Variants in RNF113B observed in about 807,000 individuals in gnomAD.
The protein encoded by RNF113B is zinc finger protein 183-like 1.
Under a neutral mutation model 22.2 loss-of-function variants are expected in RNF113B, and 12 were observed. The ratio of observed to expected loss-of-function variants is 0.54; its 90% CI spans 0.35 to 0.87. The LOEUF is 0.87. Among genes scored for constraint, RNF113B ranks in the 40% least tolerant of loss-of-function variants. The pLI, the probability that RNF113B is intolerant of heterozygous loss-of-function variation, is 0.01. For synonymous variants in RNF113B, 194 were observed against 184.6 expected, an observed-to-expected ratio of 1.05 and a Z score of -0.41; for missense variants, 442 against 455.4, an observed-to-expected ratio of 0.97 and a Z score of 0.27.
chr13:98,176,534 A>G lies in RNF113B; in HGVS notation c.703T>C (p.Tyr235His), dbSNP rs777005575. The G allele has an allele frequency of 2.5e-6, 4 of 1,614,150 alleles. No individual in the cohort carries two copies. Among genetic ancestry groups the G allele is most frequent in the South Asian group, 2.2e-5 (2 of 91,076 alleles). Reference sequence around the variant, plus strand: ...TGGTTTTCGTCCTCGCAGATACAGTAGCGACCCTCTTCAAGCTCCCGTTCA... The same window carrying G: ...TGGTTTTCGTCCTCGCAGATACAGTGGCGACCCTCTTCAAGCTCCCGTTCA... Reference protein sequence around the residue: ...EIERELEEGRYCICEDENHEV... With the variant: ...EIERELEEGRHCICEDENHEV... The change falls in exon 1 of 2, where the codon TAC becomes CAC. Residue 235 changes from tyrosine (Y) to histidine (H), a missense_variant. By Grantham distance (83) the Tyr-to-His change is moderately conservative. Transcript: ENST00000267291. This position sits in a 1 kb window ranked among gnomAD's most constrained non-coding sequence, Gnocchi z 6.2.
At position 98,176,621 on chromosome 13, in the gene RNF113B, C is replaced by A. The variant is rs1878060965; in HGVS notation, c.616G>T (p.Gly206Cys). 6.2e-7 allele frequency: 1 copy of A among 1,614,244 alleles called. No homozygotes were observed. Among genetic ancestry groups the A allele is most frequent in the African/African-American group, 1.3e-5 (1 of 75,068 alleles). Residue 206 changes from glycine (G) to cysteine (C), a missense_variant, in exon 1 of 2, where the codon GGC becomes TGC. Coordinates refer to ENST00000267291, the MANE Select transcript of RNF113B (RefSeq NM_178861.5). This position sits in a 1 kb window ranked among gnomAD's most constrained non-coding sequence, Gnocchi z 6.2. ...AGGAATTTGCAGCTGTCCCCGAAGC[C>A]ACAGAAGCCAGTCTCCTTGTAGTCC... ...CKDYKETGFC[G>C]FGDSCKFLHD...
Position 98,177,033 on chromosome 13 carries a change from G to GC in RNF113B, c.203dup (p.Leu69ProfsTer20), listed in dbSNP as rs1878117351. On this transcript the variant is annotated frameshift_variant, in exon 1 of 2. Coordinates refer to ENST00000267291, the MANE Select transcript of RNF113B (RefSeq NM_178861.5). LOFTEE classifies it high-confidence loss of function. ...GAGCCGCCTTCTGCCAGCTGTGGAGGCCCCGGGGCCTCGGTGCCACCCGCG... is the reference window on the plus strand; with the variant it reads ...GAGCCGCCTTCTGCCAGCTGTGGAGGCCCCCGGGGCCTCGGTGCCACCCGCG... 1 of 1,594,448 alleles carries GC rather than the reference G, an allele frequency of 6.3e-7. No homozygotes were observed. The highest frequency in any genetic ancestry group is 8.5e-7 in the Non-Finnish European group (1 of 1,177,248).
Position 98,176,904 on chromosome 13 carries a change from G to A in RNF113B, c.333C>T (p.Thr111=), listed in dbSNP as rs751001347. 10 of 1,605,530 alleles carry A rather than the reference G, an allele frequency of 6.2e-6. No homozygotes were observed. In the Admixed American group the frequency reaches 1.2e-4, roughly 19 times the overall value. ...TCTCGGTGTCCTGCTCGAAGTCAGCGGTGGCCCCCATGTCCTCTGGCCCCA... is the reference window on the plus strand; with the variant it reads ...TCTCGGTGTCCTGCTCGAAGTCAGCAGTGGCCCCCATGTCCTCTGGCCCCA... The part of the protein sequence containing the change: ...KPVGPEDMGA[T]ADFEQDTEKE... The change falls in exon 1 of 2, where the codon ACC becomes ACT. Residue 111 remains threonine (T), a synonymous_variant. Transcript: ENST00000267291. This position sits in a 1 kb window ranked among gnomAD's most constrained non-coding sequence, Gnocchi z 6.2.
rs1395688874 is a variant in RNF113B at position 98,176,742 on chromosome 13, G to A, written c.495C>T (p.Gly165=). The A allele has an allele frequency of 6.2e-7, 1 of 1,614,048 alleles. No individual in the cohort carries two copies. The highest frequency in any genetic ancestry group is 8.5e-7 in the Non-Finnish European group (1 of 1,179,986). ...RYLKPKDTSM[G]NSSSGMARKG... ...TCCTCGCCATCCCCGAGGAGGAGTT[G>A]CCCATGGACGTGTCCTTGGGCTTCA... The change falls in exon 1 of 2, where the codon GGC becomes GGT. Residue 165 remains glycine, a synonymous_variant. Coordinates refer to ENST00000267291, the MANE Select transcript of RNF113B (RefSeq NM_178861.5). This position sits in a 1 kb window ranked among gnomAD's most constrained non-coding sequence, Gnocchi z 6.2.
At position 98,176,882 on chromosome 13, in the gene RNF113B, C is replaced by T. The variant is rs199939990; in HGVS notation, c.355G>A (p.Glu119Lys). ...GATADFEQDT[E>K]KEHHTPTILK... ...ATGGTCGGCGTATGGTGCTCCTTCT[C>T]GGTGTCCTGCTCGAAGTCAGCGGTG... is the stretch of plus-strand genomic sequence containing the variant. Residue 119 changes from glutamate (E) to lysine (K), a missense_variant, in exon 1 of 2, where the codon GAG (glutamate) becomes AAG (lysine). Glu to Lys is a moderately conservative substitution (Grantham distance 56). Coordinates refer to ENST00000267291, the MANE Select transcript of RNF113B (RefSeq NM_178861.5). This position sits in a 1 kb window ranked among gnomAD's most constrained non-coding sequence, Gnocchi z 6.2. 2.7e-5 allele frequency: 44 copies of T among 1,607,126 alleles called. No individual in the cohort carries two copies. Among genetic ancestry groups the T allele is most frequent in the Non-Finnish European group, 3.6e-5 (42 of 1,179,966 alleles).
In RNF113B at chr13:98,176,658, A is replaced by G. The variant is rs558944393; in HGVS notation, c.579T>C (p.Pro193=). 6 of 1,614,192 alleles carry G rather than the reference A, an allele frequency of 3.7e-6. No individual in the cohort carries two copies. In the Admixed American group the frequency reaches 8.3e-5, roughly 22 times the overall value. The change falls in exon 1 of 2, where the codon CCT becomes CCC. Residue 193 remains proline, a synonymous_variant. Coordinates refer to ENST00000267291, the MANE Select transcript of RNF113B (RefSeq NM_178861.5). This position sits in a 1 kb window ranked among gnomAD's most constrained non-coding sequence, Gnocchi z 6.2. ...TCTCCTTGTAGTCCTTGCAGATGTC[A>G]GGCTGGTAATCCCAGCGCACAGTGG... ...LRATVRWDYQ[P]DICKDYKETG... is the part of the protein sequence containing the mutation.
Position 98,176,795 on chromosome 13 carries a change from G to A in RNF113B, c.442C>T (p.Arg148Trp). 4 of 1,613,630 alleles carry A rather than the reference G, an allele frequency of 2.5e-6. No homozygotes were observed. Among genetic ancestry groups the A allele is most frequent in the African/African-American group, 1.3e-5 (1 of 74,992 alleles). ...TACCTCAGGTAGCTGTGGATTCCCCGGTAGATGTGGTCGTGCTCCCGACCC... is the reference window on the plus strand; with the variant it reads ...TACCTCAGGTAGCTGTGGATTCCCCAGTAGATGTGGTCGTGCTCCCGACCC... ...LRGREHDHIY[R>W]GIHSYLRYLK... The change falls in exon 1 of 2, where the codon CGG becomes TGG. Residue 148 changes from arginine (R) to tryptophan (W), a missense_variant. Transcript: ENST00000267291. This position sits in a 1 kb window ranked among gnomAD's most constrained non-coding sequence, Gnocchi z 6.2.
In RNF113B at chr13:98,176,215, T is replaced by C. The variant is rs1426790207; in HGVS notation, c.956-39A>G. 1.2e-6 allele frequency: 2 copies of C among 1,609,202 alleles called. No individual in the cohort carries two copies. The highest frequency in any genetic ancestry group is 1.7e-5 in the Admixed American group (1 of 59,930). On this transcript the variant is annotated intron_variant, in intron 1 of 1. Coordinates refer to ENST00000267291, the MANE Select transcript of RNF113B (RefSeq NM_178861.5). This position sits in a 1 kb window ranked among gnomAD's most constrained non-coding sequence, Gnocchi z 6.2. Reference sequence around the variant, plus strand: ...AAAATTTATTTAAATGTGAGAATTATGGGAAACCTAAGCCATGGGAATTGG... The same window carrying C: ...AAAATTTATTTAAATGTGAGAATTACGGGAAACCTAAGCCATGGGAATTGG...
At position 98,176,545 on chromosome 13, in the gene RNF113B, T is replaced by C; in HGVS notation, c.692A>G (p.Glu231Gly). ...KLGWEIEREL[E>G]EGRYCICEDE... ...CTCGCAGATACAGTAGCGACCCTCT[T>C]CAAGCTCCCGTTCAATCTCCCACCC... Residue 231 changes from glutamate to glycine, a missense_variant, in exon 1 of 2, where the codon GAA (glutamate) becomes GGA (glycine). By Grantham distance (98) the Glu-to-Gly change is moderately conservative. Transcript: ENST00000267291. This position sits in a 1 kb window ranked among gnomAD's most constrained non-coding sequence, Gnocchi z 6.2. 1.2e-6 allele frequency: 2 copies of C among 1,614,196 alleles called. No homozygotes were observed. The highest frequency in any genetic ancestry group is 1.7e-6 in the Non-Finnish European group (2 of 1,180,036).
chr13:98,176,159 T>G lies in RNF113B; in HGVS notation c.*4A>C, dbSNP rs771683618. On this transcript the variant is annotated 3_prime_UTR_variant, in exon 2 of 2. Coordinates refer to ENST00000267291, the MANE Select transcript of RNF113B (RefSeq NM_178861.5). The surrounding 1 kb of genome is among the most constrained non-coding windows in gnomAD (Gnocchi z 6.2). ...CCCAGTGTACATACAGACTTGAGTCTTTCTTATCTCTTTTTTCCTAAAAGA... is the reference window on the plus strand; with the variant it reads ...CCCAGTGTACATACAGACTTGAGTCGTTCTTATCTCTTTTTTCCTAAAAGA... 8.1e-6 allele frequency: 13 copies of G among 1,608,720 alleles called. 1 individual carries two copies. The South Asian group carries it at 1.4e-4, about 18-fold the overall frequency.
chr13:98,175,949 C>T lies in RNF113B; in HGVS notation c.*214G>A, dbSNP rs961821010. The stretch of plus-strand genomic sequence containing the variant: ...GTGTGTGTATCGCATTTTGTTTGTC[C>T]ATTCATCCATCCATGGACACTTGGG... On this transcript the variant is annotated 3_prime_UTR_variant, in exon 2 of 2. Coordinates refer to ENST00000267291, the MANE Select transcript of RNF113B (RefSeq NM_178861.5). 1.6e-5 allele frequency: 9 copies of T among 567,624 alleles called. No individual in the cohort carries two copies. The highest frequency in any genetic ancestry group is 1.4e-4 in the Admixed American group (4 of 29,198). 35.2% of individuals were successfully genotyped at this position (567,624 alleles called of 1,614,324 possible). A position where few individuals can be genotyped will look rare whatever the true frequency, so the allele number is the denominator to read the frequency against.
In RNF113B at chr13:98,176,127, G is replaced by GCTT. The variant is rs1877999396; in HGVS notation, c.*33_*35dup. 1 of 1,576,676 alleles carries GCTT rather than the reference G, an allele frequency of 6.3e-7. No homozygotes were observed. Among genetic ancestry groups the GCTT allele is most frequent in the South Asian group, 1.1e-5 (1 of 88,796 alleles). On this transcript the variant is annotated 3_prime_UTR_variant, in exon 2 of 2. Coordinates refer to ENST00000267291, the MANE Select transcript of RNF113B (RefSeq NM_178861.5). The surrounding 1 kb of genome is among the most constrained non-coding windows in gnomAD (Gnocchi z 6.2). Reference sequence around the variant, plus strand: ...TCTCTCTCATCTTACTCAACAGGCTGCTTCTCCCCAGTGTACATACAGACT... The same window carrying GCTT: ...TCTCTCTCATCTTACTCAACAGGCTGCTTCTTCTCCCCAGTGTACATACAGACT...
rs757002188 is a variant in RNF113B at position 98,176,507 on chromosome 13, C to A, written c.730G>T (p.Glu244Ter). Reference protein sequence around the residue: ...RYCICEDENHEVGSEEEEIPF... With the variant: ...RYCICEDENH ...ATTTCCTCTTCCTCGCTTCCCACTT[C>A]ATGGTTTTCGTCCTCGCAGATACAG... Residue 244 changes from glutamate to a stop codon, truncating the protein, a stop_gained, in exon 1 of 2, where the codon GAA becomes TAA. Transcript: ENST00000267291. LOFTEE classifies it high-confidence loss of function. The surrounding 1 kb of genome is among the most constrained non-coding windows in gnomAD (Gnocchi z 6.2). 4 of 1,614,188 alleles carry A rather than the reference C, an allele frequency of 2.5e-6. No individual in the cohort carries two copies. The highest frequency in any genetic ancestry group is 2.2e-5 in the South Asian group (2 of 91,086).
In RNF113B at chr13:98,177,060, G is replaced by A. The variant is rs777202505; in HGVS notation, c.177C>T (p.Pro59=). ...CCCGGGGCCTCGGTGCCACCCGCGG[G>A]GGCTGAGCCACTGTGTCGCCCTCGT... The part of the protein sequence containing the change: ...SGDEGDTVAQ[P]PRVAPRPRGL... The change falls in exon 1 of 2, where the codon CCC becomes CCT. Residue 59 remains proline (P), a synonymous_variant. Coordinates refer to ENST00000267291, the MANE Select transcript of RNF113B (RefSeq NM_178861.5). 1.3e-6 allele frequency: 2 copies of A among 1,595,506 alleles called. No homozygotes were observed. The highest frequency in any genetic ancestry group is 3.3e-5 in the Admixed American group (2 of 59,730).
rs1877974929 is a variant in RNF113B, at chr13:98,175,883, A to G, written c.*280T>C. 1 of 438,460 alleles carries G rather than the reference A, an allele frequency of 2.3e-6. No homozygotes were observed. The highest frequency in any genetic ancestry group is 4.9e-5 in the South Asian group (1 of 20,582). The allele number at this position is 438,460 out of a possible 1,614,324, so 27.2% of individuals were successfully genotyped here. ...TAAAAGGATCAGTTTAAATCTTTAA[A>G]AGGATTTCCTTCCCGTTAAGGCTTA... is the stretch of plus-strand genomic sequence containing the variant. On this transcript the variant is annotated 3_prime_UTR_variant, in exon 2 of 2. Transcript: ENST00000267291.
Position 98,176,110 on chromosome 13 carries a change from A to G in RNF113B, c.*53T>C, listed in dbSNP as rs913890188. 5 of 1,495,046 alleles carry G rather than the reference A, an allele frequency of 3.3e-6. No homozygotes were observed. The African/African-American group carries it at 5.5e-5, about 17-fold the overall frequency. The allele number at this position is 1,495,046 out of a possible 1,614,324, so 92.6% of individuals were successfully genotyped here. A position where few individuals can be genotyped will look rare whatever the true frequency, so the allele number is the denominator to read the frequency against. On this transcript the variant is annotated 3_prime_UTR_variant, in exon 2 of 2. Transcript: ENST00000267291. The surrounding 1 kb of genome is among the most constrained non-coding windows in gnomAD (Gnocchi z 6.2). ...TTGCAGGAAGACTGTCATCTCTCTC[A>G]TCTTACTCAACAGGCTGCTTCTCCC...
Position 98,175,972 on chromosome 13 carries a change from G to C in RNF113B, c.*191C>G, listed in dbSNP as rs1239159123. 1.8e-5 allele frequency: 11 copies of C among 607,234 alleles called. No individual in the cohort carries two copies. The highest frequency in any genetic ancestry group is 3.3e-5 in the Non-Finnish European group (11 of 337,986). 37.6% of individuals were successfully genotyped at this position (607,234 alleles called of 1,614,324 possible). A position where few individuals can be genotyped will look rare whatever the true frequency, so the allele number is the denominator to read the frequency against. ...TCCATTCATCCATCCATGGACACTT[G>C]GGTTGTTTACACCTCTTGGCTTTTG... On this transcript the variant is annotated 3_prime_UTR_variant, in exon 2 of 2. Transcript: ENST00000267291.
In RNF113B at chr13:98,177,246, T is replaced by C; in HGVS notation, c.-10A>G. On this transcript the variant is annotated 5_prime_UTR_variant, in exon 1 of 2. Coordinates refer to ENST00000267291, the MANE Select transcript of RNF113B (RefSeq NM_178861.5). ...AAGGTGGCGCTGCCATGTTTGAGTCTCAGGCTCCCAACGGCCGTGGCGTGC... is the reference window on the plus strand; with the variant it reads ...AAGGTGGCGCTGCCATGTTTGAGTCCCAGGCTCCCAACGGCCGTGGCGTGC... 2 of 1,539,242 alleles carry C rather than the reference T, an allele frequency of 1.3e-6. No individual in the cohort carries two copies. The highest frequency in any genetic ancestry group is 1.7e-6 in the Non-Finnish European group (2 of 1,143,804).
chr13:98,176,751 C>T lies in RNF113B; in HGVS notation c.486G>A (p.Thr162=), dbSNP rs1330782099. ...SYLRYLKPKD[T]SMGNSSSGMA... is the part of the protein sequence containing the mutation. ...TCCCCGAGGAGGAGTTGCCCATGGA[C>T]GTGTCCTTGGGCTTCAGGTACCTCA... Residue 162 remains threonine, a synonymous_variant, in exon 1 of 2, where the codon ACG becomes ACA. Coordinates refer to ENST00000267291, the MANE Select transcript of RNF113B (RefSeq NM_178861.5). This position sits in a 1 kb window ranked among gnomAD's most constrained non-coding sequence, Gnocchi z 6.2. 1.9e-6 allele frequency: 3 copies of T among 1,614,042 alleles called. No individual in the cohort carries two copies. The highest frequency in any genetic ancestry group is 2.5e-6 in the Non-Finnish European group (3 of 1,180,022).
Sources: allele counts gnomAD v4.1 joint callset, GRCh38; gene constraint gnomAD v4.1.1; non-coding constraint Gnocchi (gnomAD v3.1); transcripts MANE v1.5; gene names NCBI Gene and HGNC (gene_info 2026-07-23, HGNC 2026-07-21).